The following LARGE1 variants were observed in gnomAD, a reference collection of about 807,000 sequenced individuals.
LARGE1 encodes LARGE xylosyl- and glucuronyltransferase 1.
LARGE1 carries 43 observed loss-of-function variants against 87.6 expected under a neutral mutation model. The ratio of observed to expected loss-of-function variants is 0.49; its 90% CI spans 0.38 to 0.63. The LOEUF (loss-of-function observed/expected upper bound fraction) is 0.63. Ranked by LOEUF, LARGE1 falls within the 30% of genes least tolerant of loss-of-function variation. LARGE1 has a pLI of 0.00. For synonymous variants in LARGE1, 434 were observed against 394.6 expected (o/e 1.10, Z -1.18); for missense variants, 802 against 1,000.2 (o/e 0.80, Z 2.67).
At chr22:33,797,540 C>G (rs922243051) in intron 1 of LARGE1, among the ~76,000 whole-genome samples, 1 of 152,178 alleles carries the variant, frequency 6.6e-6, no homozygotes, top group African/African-American at 2.4e-5. Context: ...GAGGAGCCAA[C>G]GGTGGTTGGA....
At chr22:33,862,194 T>C (rs2063947810) in intron 1 of LARGE1, among the ~76,000 whole-genome samples, 1 of 152,108 alleles carries the variant, frequency 6.6e-6, no homozygotes, top group Non-Finnish European at 1.5e-5. Flanking sequence ...ACAAATCCTC[T>C]GTCCTCGAGA....
chr22:33,609,061 T>C (rs1169989479), intron 4 of LARGE1, among the ~76,000 whole-genome samples: 1 of 152,208 alleles, frequency 6.6e-6, no homozygotes, highest in African/African-American at 2.4e-5. Context: ...TTTCAATTAG[T>C]TCTTCCAAGC....
chr22:33,343,080 T>G (rs901147703), intron 9 of LARGE1, among the ~76,000 whole-genome samples: 13 of 152,206 alleles, frequency 8.5e-5, no homozygotes, highest in Admixed American at 1.3e-4. Context: ...TACCATGTAT[T>G]CAATACCCAT....
chr22:33,286,198 A>T (rs1655247827), intron 12 of LARGE1, among the ~76,000 whole-genome samples: 1 of 152,130 alleles, frequency 6.6e-6, no homozygotes, highest in African/African-American at 2.4e-5. Context: ...CTGTCTGAAC[A>T]ATGTTAGTTT....
intron 3 of LARGE1, among the ~76,000 whole-genome samples, chr22:33,630,193 C>T (rs1367351936): frequency 2.6e-5 from 4 of 151,736 alleles, no homozygotes; most frequent in East Asian, 1.9e-4. Context: ...GAACAAAACT[C>T]GGTCTCAAAA....
intron 9 of LARGE1, among the ~76,000 whole-genome samples, chr22:33,341,471 AAGAGAGG>A (rs1169918987): frequency 1.3e-5 from 2 of 152,064 alleles, no homozygotes; most frequent in African/African-American, 4.8e-5. Context: ...CTGCCATCTG[AAGAGAGG>A]ACTGGAAGAC....
chr22:33,083,081 T>C, the LARGE1 span, among the ~76,000 whole-genome samples: 5 of 152,166 alleles, frequency 3.3e-5, no homozygotes, highest in African/African-American at 1.2e-4. Flanking sequence ...ACACTCTAAA[T>C]ATATCATTTC....
In LARGE1 at chr22:33,866,660, T is replaced by C. The variant is rs141747417; in HGVS notation, c.-83+53335A>G. On this transcript the variant is annotated intron_variant, in intron 1 of 14. Coordinates refer to ENST00000397394, the MANE Select transcript of LARGE1 (RefSeq NM_133642.5). ...TCTGCTCTGGAAGCACTCACAATAA[T>C]GCTTATGATAATGGTAAACACACAC... is the stretch of plus-strand genomic sequence containing the variant. Among the ~76,000 whole-genome samples, 45 of 152,284 alleles carry C rather than the reference T, an allele frequency of 3.0e-4. No homozygotes were observed. In the East Asian group the frequency reaches 7.7e-3, roughly 26 times the overall value.
intron 1 of LARGE1, among the ~76,000 whole-genome samples, chr22:33,845,745 T>G (rs933942245): frequency 6.6e-6 from 1 of 152,160 alleles, no homozygotes; most frequent in African/African-American, 2.4e-5. Context: ...TGACCCAATA[T>G]CAGTAATTAT....
At chr22:33,425,195 G>A (rs2066835401) in intron 7 of LARGE1, among the ~76,000 whole-genome samples, 1 of 152,148 alleles carries the variant, frequency 6.6e-6, no homozygotes, top group Non-Finnish European at 1.5e-5. Flanking sequence ...CCGGGAGGTG[G>A]AGGTTGCAGT....
chr22:33,395,865 G>T (rs527646411), intron 7 of LARGE1, among the ~76,000 whole-genome samples: 4 of 152,298 alleles, frequency 2.6e-5, no homozygotes, highest in Admixed American at 2.6e-4. Flanking sequence ...GATTGATTAG[G>T]GTTAAATAAA....
chr22:33,594,025 G>C (rs977353806), intron 5 of LARGE1, among the ~76,000 whole-genome samples: 3 of 152,188 alleles, frequency 2.0e-5, no homozygotes, highest in Non-Finnish European at 4.4e-5. Context: ...AGAAGATTAT[G>C]CAAGTTAAGC....
At chr22:33,549,041 C>T (rs1602373825) in intron 6 of LARGE1, among the ~76,000 whole-genome samples, 1 of 152,186 alleles carries the variant, frequency 6.6e-6, no homozygotes, top group Non-Finnish European at 1.5e-5. Context: ...TATCCCTTTG[C>T]TTCTAGGGAA....
chr22:33,121,787 TCC>T, the LARGE1 span, among the ~76,000 whole-genome samples: 1 of 152,160 alleles, frequency 6.6e-6, no homozygotes, highest in Non-Finnish European at 1.5e-5. Context: ...AACTCACGGT[TCC>T]ACATGGCTGG....
chr22:33,081,223 C>A, the LARGE1 span, among the ~76,000 whole-genome samples: 1 of 152,218 alleles, frequency 6.6e-6, no homozygotes, highest in Non-Finnish European at 1.5e-5. Flanking sequence ...GACTTCCCAG[C>A]CTCCAGAACT....
chr22:33,825,972 A>G (rs5754708), intron 1 of LARGE1, among the ~76,000 whole-genome samples: 141,780 of 152,248 alleles, frequency 0.93, 66,117 homozygotes, highest in East Asian at 1. Context: ...GCAGTGCTGA[A>G]GACATACATC....
At position 33,193,497 on chromosome 22, in the gene LARGE1, C is replaced by T. The variant is rs1243252840; in HGVS notation, c.1731-26665G>A. 3.3e-5 allele frequency among the ~76,000 whole-genome samples: 5 copies of T among 152,096 alleles called. No homozygotes were observed. The East Asian group carries it at 9.6e-4, about 29-fold the overall frequency. On this transcript the variant is annotated intron_variant, in intron 11 of 11. Transcript: ENST00000608642. ...GAATGCATTAATGTGCTATACAGTG[C>T]ATTACACATCTGGTTAACATAATAT...
intron 9 of LARGE1, among the ~76,000 whole-genome samples, chr22:33,369,155 G>C (rs912848662): frequency 1.3e-5 from 2 of 152,148 alleles, no homozygotes; most frequent in African/African-American, 2.4e-5. Flanking sequence ...CTCAAATCCT[G>C]CCCCTGCTTT....
chr22:33,445,024 T>G (rs2067631274), intron 6 of LARGE1, among the ~76,000 whole-genome samples: 1 of 152,122 alleles, frequency 6.6e-6, no homozygotes, highest in African/African-American at 2.4e-5. Context: ...GAGACGCGGT[T>G]TCGCCATGTC....
Sources: allele counts gnomAD v4.1 joint callset (sites outside exome capture counted in the v4.1 genomes callset), GRCh38; gene constraint gnomAD v4.1.1; transcripts MANE v1.5; gene names NCBI Gene and HGNC (gene_info 2026-07-23, HGNC 2026-07-21).